Variants in HERC3 observed in about 807,000 individuals in gnomAD.
HERC3 encodes HECT and RLD domain containing E3 ubiquitin protein ligase 3, also known as probable E3 ubiquitin-protein ligase HERC3.
Under a neutral mutation model 129.9 loss-of-function variants are expected in HERC3, and 58 were observed. That is an observed-to-expected ratio of 0.45 (90% CI 0.36 to 0.56). The LOEUF is 0.56. HERC3 is among the 20% of genes least tolerant of loss of function. The probability of loss-of-function intolerance (pLI) is 0.00; values close to 1 mark genes in which losing one functional copy is unlikely to be tolerated. For missense variants in HERC3, 835 were observed against 1,244.2 expected (o/e 0.67, Z 4.95); for synonymous variants, 430 against 451.0 (o/e 0.95, Z 0.59).
At chr4:88,529,448 C>A in the HERC3 span, among the ~76,000 whole-genome samples, 1 of 151,984 alleles carries the variant, frequency 6.6e-6, no homozygotes, top group Non-Finnish European at 1.5e-5. Context: ...CAGAGCAAGA[C>A]CCTGTCTCTA....
At position 88,652,935 on chromosome 4, in the gene HERC3, C is replaced by G; in HGVS notation, c.530C>G (p.Ser177Cys). Residue 177 changes from serine to cysteine, a missense_variant, in exon 6 of 26, where the codon TCC becomes TGC. Transcript: ENST00000402738. The part of the protein sequence containing the change: ...GQLGLGKEFP[S>C]QASPQRVRSL... ...CTTGGCTTAGGGAAGGAGTTCCCCT[C>G]CCAAGCCAGCCCACAGAGGGTGAGG... 1 of 1,614,056 alleles carries G rather than the reference C, an allele frequency of 6.2e-7. No individual in the cohort carries two copies. Among genetic ancestry groups the G allele is most frequent in the Non-Finnish European group, 8.5e-7 (1 of 1,180,030 alleles).
intron 22 of HERC3, 56 bp from the exon 23 acceptor site, chr4:88,687,161 A>G (rs1733566680): frequency 7.3e-7 from 1 of 1,367,842 alleles, no homozygotes; most frequent in Non-Finnish European, 1.0e-6. Flanking sequence ...TTTGAGTTCT[A>G]GAAAGATGAA....
At chr4:88,624,800 T>C (rs1209427258) in intron 3 of HERC3, among the ~76,000 whole-genome samples, 2 of 152,222 alleles carry the variant, frequency 1.3e-5, no homozygotes, top group South Asian at 2.1e-4. Context: ...ATGATTGTTT[T>C]CCTAAGTTTT....
chr4:88,654,147 A>T lies in HERC3; in HGVS notation c.777+14A>T. 3 of 1,580,516 alleles carry T rather than the reference A, an allele frequency of 1.9e-6. No homozygotes were observed. The highest frequency in any genetic ancestry group is 2.6e-6 in the Non-Finnish European group (3 of 1,150,078). ...GTTCTCACAAAGGTAAGGAGCTCAG[A>T]GTATTTTACTTTGGTGCTGGGGATA... On this transcript the variant is annotated intron_variant, in intron 7 of 25. Transcript: ENST00000402738.
intron 3 of HERC3, among the ~76,000 whole-genome samples, chr4:88,615,844 T>C (rs1724844997): frequency 6.6e-6 from 1 of 152,184 alleles, no homozygotes; most frequent in African/African-American, 2.4e-5. Flanking sequence ...GTGTATATGC[T>C]GCCAAAGCAA....
At chr4:88,645,191 A>T (rs1200145308) in intron 3 of HERC3, among the ~76,000 whole-genome samples, 1 of 152,164 alleles carries the variant, frequency 6.6e-6, no homozygotes, top group Non-Finnish European at 1.5e-5. Flanking sequence ...GTATAGCAGC[A>T]GGAGGAAAGA....
intron 3 of HERC3, among the ~76,000 whole-genome samples, chr4:88,614,675 T>G (rs968200225): frequency 3.3e-5 from 5 of 152,244 alleles, no homozygotes; most frequent in African/African-American, 1.2e-4. Flanking sequence ...TGATGTATTT[T>G]GTCTTGCTAT....
chr4:88,556,634 T>C, the HERC3 span, among the ~76,000 whole-genome samples: 1,579 of 152,268 alleles, frequency 0.01, 31 homozygotes, highest in African/African-American at 0.035. Context: ...TCAGTCCTAA[T>C]ATCATTACTG....
At chr4:88,687,146 A>G (rs1733565214) in intron 22 of HERC3, 71 bp from the exon 23 acceptor site, 1 of 1,135,100 alleles carries the variant, frequency 8.8e-7, no homozygotes, top group Non-Finnish European at 1.3e-6. Flanking sequence ...AGCCTCTCTC[A>G]GTCATTTGAG....
intron 10 of HERC3, 73 bp from the exon 11 acceptor site, chr4:88,662,358 G>C (rs1730579728): frequency 7.0e-7 from 1 of 1,419,162 alleles, no homozygotes; most frequent in Admixed American, 2.0e-5. Context: ...TGGAGAATAT[G>C]TGGGAGAAAG....
At chr4:88,556,099 G>C in the HERC3 span, among the ~76,000 whole-genome samples, 2 of 152,298 alleles carry the variant, frequency 1.3e-5, no homozygotes, top group East Asian at 3.9e-4. Context: ...GATGTTTCCA[G>C]ACTATAACTC....
At chr4:88,574,126 T>C in the HERC3 span, among the ~76,000 whole-genome samples, 1 of 152,112 alleles carries the variant, frequency 6.6e-6, no homozygotes, top group Non-Finnish European at 1.5e-5. Flanking sequence ...TGAAAGCAAC[T>C]AGGCAGAATC....
At chr4:88,587,081 C>T in the HERC3 span, among the ~76,000 whole-genome samples, 2 of 152,180 alleles carry the variant, frequency 1.3e-5, no homozygotes, top group African/African-American at 2.4e-5. Context: ...TGGCAGATTT[C>T]ACTGGGCTTT....
At chr4:88,572,797 G>GGC in the HERC3 span, among the ~76,000 whole-genome samples, 3 of 112,246 alleles carry the variant, frequency 2.7e-5, no homozygotes, top group African/African-American at 1.9e-4. Context: ...AATAGAGCAA[G>GGC]ACTGTCTCAA....
At chr4:88,581,040 G>A in the HERC3 span, among the ~76,000 whole-genome samples, 2 of 152,192 alleles carry the variant, frequency 1.3e-5, no homozygotes, top group Non-Finnish European at 2.9e-5. Context: ...GTATGGTGCT[G>A]TAATGGCATG....
intron 23 of HERC3, among the ~76,000 whole-genome samples, chr4:88,703,686 G>A (rs1184583664): frequency 1.5e-5 from 2 of 137,330 alleles, no homozygotes; most frequent in Non-Finnish European, 3.1e-5. Context: ...AAGTGGTTTA[G>A]CTTTATTTGT....
At chr4:88,626,882 G>T (rs1463212347) in intron 3 of HERC3, among the ~76,000 whole-genome samples, 1 of 151,428 alleles carries the variant, frequency 6.6e-6, no homozygotes, top group Non-Finnish European at 1.5e-5. Flanking sequence ...CTTTTTGTTT[G>T]TTTTGTTTTC....
chr4:88,589,093 T>C (rs533333815), upstream of HERC3, among the ~76,000 whole-genome samples: 3 of 152,228 alleles, frequency 2.0e-5, no homozygotes, highest in South Asian at 6.2e-4. Context: ...CACGCGTGTG[T>C]GCGTGTGTGT....
intron 3 of HERC3, among the ~76,000 whole-genome samples, chr4:88,623,665 T>A (rs1050894909): frequency 2.0e-5 from 3 of 152,236 alleles, no homozygotes; most frequent in Non-Finnish European, 4.4e-5. Flanking sequence ...CTTGTTTTCC[T>A]CGTCAGTCAA....
Sources: allele counts gnomAD v4.1 joint callset (sites outside exome capture counted in the v4.1 genomes callset), GRCh38; gene constraint gnomAD v4.1.1; transcripts MANE v1.5; gene names NCBI Gene and HGNC (gene_info 2026-07-23, HGNC 2026-07-21).